KIF15: variants seen among roughly 807,000 people sequenced by gnomAD.
KIF15 encodes kinesin family member 15.
Under a neutral mutation model 190.6 loss-of-function variants are expected in KIF15, and 140 were observed. That is an observed-to-expected ratio of 0.73 (90% CI 0.64 to 0.84). The LOEUF (loss-of-function observed/expected upper bound fraction) is 0.84. KIF15 is among the 40% of genes least tolerant of loss of function. The pLI, the probability that KIF15 is intolerant of heterozygous loss-of-function variation, is 0.00. For missense variants in KIF15, 1,372 were observed against 1,584.4 expected (o/e 0.87, Z 2.28); for synonymous variants, 528 against 551.3 (o/e 0.96, Z 0.59).
At chr3:44,844,601 A>G (rs1698761140) in intron 30 of KIF15, among the ~76,000 whole-genome samples, 2 of 152,222 alleles carry the variant, frequency 1.3e-5, no homozygotes, top group East Asian at 3.8e-4. Context: ...TTGCCCATGG[A>G]TGCCACTAAG....
intron 6 of KIF15, among the ~76,000 whole-genome samples, chr3:44,867,702 AAG>A (rs1441820303): frequency 6.6e-6 from 1 of 152,260 alleles, no homozygotes; most frequent in Non-Finnish European, 1.5e-5. Context: ...TACAAGATGT[AAG>A]ATTTTTTCTA....
intron 8 of KIF15, among the ~76,000 whole-genome samples, chr3:44,796,035 G>A (rs1164851589): frequency 6.6e-6 from 1 of 152,062 alleles, no homozygotes; most frequent in Non-Finnish European, 1.5e-5. Flanking sequence ...CTAATATTTT[G>A]TATTTTTAAT....
chr3:44,829,374 ATG>A (rs547572565), intron 24 of KIF15, among the ~76,000 whole-genome samples: 13,228 of 136,680 alleles, frequency 0.097, 1,286 homozygotes, highest in African/African-American at 0.24. Flanking sequence ...ATATATATAT[ATG>A]TGTGTGTGTG....
At chr3:44,839,542 C>G (rs1411256596) in intron 27 of KIF15, among the ~76,000 whole-genome samples, 1 of 152,076 alleles carries the variant, frequency 6.6e-6, no homozygotes, top group Non-Finnish European at 1.5e-5. Flanking sequence ...TTCCATATGC[C>G]ATGGGAAGAA....
chr3:44,774,401 T>C lies in KIF15; in HGVS notation c.26T>C (p.Leu9Ser). Reference protein sequence around the residue: MAPGCKTELRSVTNGQSNQ... With the variant: MAPGCKTESRSVTNGQSNQ... ...TAACTTTTTTTTTTTCTAGCTGAGT[T>C]ACGCAGCGTGACAAATGGTCAGTCT... is the stretch of plus-strand genomic sequence containing the variant. The change falls in exon 2 of 35, where the codon TTA (leucine) becomes TCA (serine). Residue 9 changes from leucine (L) to serine (S), a missense_variant. Leu to Ser is a moderately radical substitution (Grantham distance 145). Coordinates refer to ENST00000326047, the MANE Select transcript of KIF15 (RefSeq NM_020242.3). 3 of 1,612,810 alleles carry C rather than the reference T, an allele frequency of 1.9e-6. No individual in the cohort carries two copies. The highest frequency in any genetic ancestry group is 2.5e-6 in the Non-Finnish European group (3 of 1,179,370).
In KIF15 at chr3:44,761,833, G is replaced by C. The variant is rs374754252; in HGVS notation, c.-33G>C. On this transcript the variant is annotated 5_prime_UTR_variant, in exon 1 of 35. Coordinates refer to ENST00000326047, the MANE Select transcript of KIF15 (RefSeq NM_020242.3). ...CAGTCGGGAGGTGGAGGCACCGGCT[G>C]CATTGTTTTCGGGATCGAGGGGTGA... 40 of 1,614,074 alleles carry C rather than the reference G, an allele frequency of 2.5e-5. No individual in the cohort carries two copies. The African/African-American group carries it at 4.0e-4, about 16-fold the overall frequency.
At chr3:44,833,285 A>C (rs1698158671) in intron 26 of KIF15, among the ~76,000 whole-genome samples, 1 of 152,038 alleles carries the variant, frequency 6.6e-6, no homozygotes, top group Admixed American at 6.6e-5. Context: ...CAGGAGTGTG[A>C]GGGGGGCTGG....
chr3:44,862,771 G>A (rs1443329811), intron 6 of KIF15: 2 of 151,906 alleles, frequency 1.3e-5, no homozygotes, highest in Non-Finnish European at 2.9e-5. Context: ...TTGCTATAGG[G>A]GTTTCATTGC....
In KIF15 at chr3:44,763,837, A is replaced by G. The variant is rs182999489; in HGVS notation, c.19+1953A>G. Among the ~76,000 whole-genome samples the G allele has an allele frequency of 2.6e-3, 402 of 151,808 alleles. 3 individuals are homozygous for G. The highest frequency in any genetic ancestry group is 0.01 in the Admixed American group (159 of 15,264). On this transcript the variant is annotated intron_variant, in intron 1 of 34. Transcript: ENST00000326047. The stretch of plus-strand genomic sequence containing the variant: ...CAAGTAGCTGGGACTACAGGCGTGC[A>G]CCACCATGCCCTGCTAATTTTTTGT...
chr3:44,830,988 T>C lies in KIF15; in HGVS notation c.3141T>C (p.Leu1047=). The change falls in exon 26 of 35, where the codon CTT becomes CTC. Residue 1047 remains leucine (L), a synonymous_variant. Transcript: ENST00000326047. ...EVDILDLKET[L]RLRILSEDIE... ...ATATTCTGGATCTGAAAGAAACCCTTAGGCTGAGAATACTTTCTGAGGACA... is the reference window on the plus strand; with the variant it reads ...ATATTCTGGATCTGAAAGAAACCCTCAGGCTGAGAATACTTTCTGAGGACA... 1 of 1,614,066 alleles carries C rather than the reference T, an allele frequency of 6.2e-7. No individual in the cohort carries two copies. Among genetic ancestry groups the C allele is most frequent in the Non-Finnish European group, 8.5e-7 (1 of 1,179,982 alleles).
At chr3:44,831,832 A>T (rs1698087618) in intron 26 of KIF15, among the ~76,000 whole-genome samples, 1 of 152,122 alleles carries the variant, frequency 6.6e-6, no homozygotes, top group Admixed American at 6.5e-5. Flanking sequence ...ATATACTTTT[A>T]GCCTTACTTT....
At chr3:44,806,395 G>A (rs765334917) in intron 16 of KIF15, among the ~76,000 whole-genome samples, 4 of 152,098 alleles carry the variant, frequency 2.6e-5, no homozygotes, top group African/African-American at 4.8e-5. Flanking sequence ...TGTCCTCAAA[G>A]TTTTCAGTAG....
chr3:44,836,390 G>C (rs1027972602), intron 26 of KIF15, among the ~76,000 whole-genome samples: 1 of 151,486 alleles, frequency 6.6e-6, no homozygotes, highest in South Asian at 2.1e-4. Flanking sequence ...TTTTTAAGGA[G>C]AAGAAAAAAT....
intron 6 of KIF15, chr3:44,861,859 C>T (rs1317304179): frequency 6.9e-7 from 1 of 1,456,834 alleles, no homozygotes; most frequent in Admixed American, 2.1e-5. Context: ...GTGAGGCTGC[C>T]ATCCAATCGC....
At chr3:44,785,383 A>G (rs1003136106) in intron 6 of KIF15, among the ~76,000 whole-genome samples, 9 of 152,174 alleles carry the variant, frequency 5.9e-5, no homozygotes, top group African/African-American at 2.2e-4. Context: ...CATCCTCACC[A>G]CCTTTGTAGC....
intron 7 of KIF15, among the ~76,000 whole-genome samples, chr3:44,789,691 T>TATATATAAAA (rs1200236750): frequency 2.7e-5 from 3 of 109,778 alleles, no homozygotes; most frequent in African/African-American, 1.1e-4. Context: ...TATATATATA[T>TATATATAAAA]AAAATAGATA....
chr3:44,776,224 G>T (rs1009365433), intron 3 of KIF15, among the ~76,000 whole-genome samples: 8 of 150,954 alleles, frequency 5.3e-5, no homozygotes, highest in Non-Finnish European at 1.0e-4. Context: ...CTTTGTAGCA[G>T]AATGACAAAA....
chr3:44,820,953 G>A (rs1164460099), intron 20 of KIF15, among the ~76,000 whole-genome samples: 13 of 147,816 alleles, frequency 8.8e-5, no homozygotes, highest in South Asian at 2.1e-4. Context: ...CTCACCTCCC[G>A]GACGGGGTGG....
At chr3:44,782,822 G>A (rs1706229458) in intron 5 of KIF15, among the ~76,000 whole-genome samples, 1 of 152,160 alleles carries the variant, frequency 6.6e-6, no homozygotes, top group Non-Finnish European at 1.5e-5. Flanking sequence ...CACACCCAAG[G>A]ATGTTTGAAG....
Sources: allele counts gnomAD v4.1 joint callset (sites outside exome capture counted in the v4.1 genomes callset), GRCh38; gene constraint gnomAD v4.1.1; transcripts MANE v1.5; gene names NCBI Gene and HGNC (gene_info 2026-07-23, HGNC 2026-07-21).